Variants in DLG2 observed in about 807,000 individuals in gnomAD.
The protein encoded by DLG2 is discs large MAGUK scaffold protein 2, also known as disks large homolog 2.
DLG2 carries 45 observed loss-of-function variants against 132.5 expected under a neutral mutation model. That is an observed-to-expected ratio of 0.34 (90% CI 0.27 to 0.44). The LOEUF (loss-of-function observed/expected upper bound fraction) is 0.44. Ranked by LOEUF, DLG2 falls within the 20% of genes least tolerant of loss-of-function variation. The pLI, the probability that DLG2 is intolerant of heterozygous loss-of-function variation, is 1.00. For missense variants in DLG2, 1,045 were observed against 1,196.9 expected, an observed-to-expected ratio of 0.87 and a Z score of 1.87; for synonymous variants, 424 against 419.6, an observed-to-expected ratio of 1.01 and a Z score of -0.13.
At chr11:83,751,785 G>A (rs1315966087) in intron 18 of DLG2, among the ~76,000 whole-genome samples, 1 of 152,180 alleles carries the variant, frequency 6.6e-6, no homozygotes, top group Non-Finnish European at 1.5e-5. Flanking sequence ...TTTTGGACAT[G>A]CTATGTTTAA....
intron 6 of DLG2, among the ~76,000 whole-genome samples, chr11:84,648,889 A>T (rs1292616077): frequency 6.6e-6 from 1 of 151,888 alleles, no homozygotes; most frequent in South Asian, 2.1e-4. Flanking sequence ...CCAAATAAAA[A>T]TTTTTTTCTT....
intron 6 of DLG2, among the ~76,000 whole-genome samples, chr11:84,620,669 C>A (rs139536902): frequency 2.0e-3 from 304 of 152,094 alleles, no homozygotes; most frequent in African/African-American, 7.0e-3. Context: ...AAAGAAAGAA[C>A]TCAACGATAT....
intron 7 of DLG2, among the ~76,000 whole-genome samples, chr11:84,318,154 T>G (rs772044716): frequency 1.3e-5 from 2 of 152,210 alleles, no homozygotes; most frequent in African/African-American, 2.4e-5. Context: ...AATTTTCAAA[T>G]TCTTTCACTG....
rs145742114 is a variant in DLG2, at chr11:85,383,765, T to C, written c.41-98400A>G. ...CTTCCTTCTGCCTAATAAAGTTATA[T>C]CTTTTCATCCACAATCCAGTTAGCC... On this transcript the variant is annotated intron_variant, in intron 3 of 27. Transcript: ENST00000376104. Among the ~76,000 whole-genome samples the C allele has an allele frequency of 2.6e-3, 389 of 152,320 alleles. 5 individuals carry two copies. The highest frequency in any genetic ancestry group is 9.0e-3 in the African/African-American group (373 of 41,578).
intron 10 of DLG2, among the ~76,000 whole-genome samples, chr11:84,087,774 G>T (rs2097015100): frequency 1.3e-5 from 2 of 152,150 alleles, no homozygotes; most frequent in African/African-American, 4.8e-5. Context: ...GTTGGGAAAA[G>T]GAAAAGAAAC....
At chr11:84,884,566 T>C (rs1600773069) in intron 6 of DLG2, among the ~76,000 whole-genome samples, 1 of 152,142 alleles carries the variant, frequency 6.6e-6, no homozygotes, top group Non-Finnish European at 1.5e-5. Flanking sequence ...GTAACCTTGA[T>C]TGGACAACTT....
At chr11:85,377,788 T>TAG (rs2085526061) in intron 3 of DLG2, among the ~76,000 whole-genome samples, 1 of 61,746 alleles carries the variant, frequency 1.6e-5, no homozygotes, top group Non-Finnish European at 4.2e-5. Context: ...TGTATACATA[T>TAG]ATATATATAT....
At chr11:85,304,128 C>G (rs1374727683) in intron 3 of DLG2, among the ~76,000 whole-genome samples, 1 of 152,122 alleles carries the variant, frequency 6.6e-6, no homozygotes, top group Non-Finnish European at 1.5e-5. Context: ...TTACACCTAG[C>G]AGATTCTGCT....
intron 6 of DLG2, among the ~76,000 whole-genome samples, chr11:84,682,019 G>A (rs2153709010): frequency 1.3e-5 from 2 of 152,226 alleles, no homozygotes; most frequent in Middle Eastern, 6.8e-3. Context: ...AAGATAGAAG[G>A]GAGGGAGGTG....
intron 4 of DLG2, among the ~76,000 whole-genome samples, chr11:85,175,186 T>A (rs1046756606): frequency 1.2e-4 from 18 of 152,240 alleles, no homozygotes; most frequent in African/African-American, 4.1e-4. Context: ...CAGGCCAATA[T>A]TCCTGATGAA....
intron 6 of DLG2, among the ~76,000 whole-genome samples, chr11:85,053,114 T>G (rs1389469047): frequency 6.6e-6 from 1 of 152,178 alleles, no homozygotes; most frequent in Non-Finnish European, 1.5e-5. Flanking sequence ...ACATCCTAGC[T>G]AATCGACTAT....
rs150228113 is a variant in DLG2 at position 83,752,885 on chromosome 11, A to G, written c.1825+33805T>C. 2.6e-5 allele frequency among the ~76,000 whole-genome samples: 4 copies of G among 152,320 alleles called. No homozygotes were observed. In the East Asian group the frequency reaches 7.7e-4, roughly 29 times the overall value. On this transcript the variant is annotated intron_variant, in intron 18 of 27. Transcript: ENST00000376104. ...ACAGATGCAGATAGATGGGCAGATGATTCTCTCTTGATTAAATAAAGTTGT... is the reference window on the plus strand; with the variant it reads ...ACAGATGCAGATAGATGGGCAGATGGTTCTCTCTTGATTAAATAAAGTTGT...
chr11:85,193,009 C>A (rs1420575640), intron 4 of DLG2, among the ~76,000 whole-genome samples: 2 of 152,130 alleles, frequency 1.3e-5, no homozygotes, highest in African/African-American at 4.8e-5. Context: ...CAGTATATTA[C>A]CATTATCCTT....
chr11:83,884,080 A>G lies in DLG2; in HGVS notation c.1497-9592T>C, dbSNP rs187638411. Among the ~76,000 whole-genome samples, 257 of 152,308 alleles carry G rather than the reference A, an allele frequency of 1.7e-3. 2 individuals carry two copies. Among genetic ancestry groups the G allele is most frequent in the African/African-American group, 5.8e-3 (241 of 41,566 alleles). ...CGGGTTCATCTCACTAGGGAGTGCC[A>G]GACAGTGGGTACAGGACAGTGGGTG... On this transcript the variant is annotated intron_variant, in intron 15 of 27. Transcript: ENST00000376104.
intron 7 of DLG2, among the ~76,000 whole-genome samples, chr11:84,330,893 G>A (rs1305281815): frequency 6.6e-6 from 1 of 152,156 alleles, no homozygotes; most frequent in African/African-American, 2.4e-5. Flanking sequence ...AAAAGTTGAG[G>A]TGCATTTAGT....
intron 15 of DLG2, among the ~76,000 whole-genome samples, chr11:83,880,312 T>C (rs993177007): frequency 6.6e-6 from 1 of 152,188 alleles, no homozygotes; most frequent in Non-Finnish European, 1.5e-5. Flanking sequence ...GGGAGACTAA[T>C]AGTAAACCAT....
chr11:85,536,760 T>A (rs537351050), intron 3 of DLG2, among the ~76,000 whole-genome samples: 1 of 152,240 alleles, frequency 6.6e-6, no homozygotes, highest in South Asian at 2.1e-4. Context: ...CTGAATCCCA[T>A]GCATGGACCG....
intron 18 of DLG2, among the ~76,000 whole-genome samples, chr11:83,695,972 C>T (rs2081860675): frequency 6.6e-6 from 1 of 152,072 alleles, no homozygotes; most frequent in African/African-American, 2.4e-5. Flanking sequence ...GCTTGGGAGT[C>T]ACGGGGTGGA....
intron 6 of DLG2, among the ~76,000 whole-genome samples, chr11:84,825,652 G>A (rs899498350): frequency 6.6e-6 from 1 of 151,852 alleles, no homozygotes; most frequent in Non-Finnish European, 1.5e-5. Flanking sequence ...TCACTGTGTA[G>A]TCTGTTTGGA....
Sources: allele counts gnomAD v4.1 joint callset (sites outside exome capture counted in the v4.1 genomes callset), GRCh38; gene constraint gnomAD v4.1.1; transcripts MANE v1.5; gene names NCBI Gene and HGNC (gene_info 2026-07-23, HGNC 2026-07-21).